The following NINJ2 variants were observed in gnomAD, a reference collection of about 807,000 sequenced individuals.
NINJ2 encodes ninjurin-2.
NINJ2 carries 12 observed loss-of-function variants against 11.7 expected under a neutral mutation model. The ratio of observed to expected loss-of-function variants is 1.02; its 90% CI spans 0.66 to 1.66. The LOEUF is 1.66. NINJ2 is among the 40% of genes most tolerant of loss of function. NINJ2 has a pLI of 0.00. For synonymous variants in NINJ2, 93 were observed against 76.8 expected (o/e 1.21, Z -1.10); for missense variants, 187 against 181.8 (o/e 1.03, Z -0.16).
At chr12:636,376 CAAAT>C (rs1342822754) in intron 1 of NINJ2, among the ~76,000 whole-genome samples, 2 of 108,270 alleles carry the variant, frequency 1.8e-5, no homozygotes, top group African/African-American at 6.6e-5. Flanking sequence ...AACTCCATCT[CAAAT>C]AAATAAATAA....
At chr12:582,799 A>G (rs1390008298) in intron 1 of NINJ2, among the ~76,000 whole-genome samples, 24 of 71,356 alleles carry the variant, frequency 3.4e-4, no homozygotes, top group South Asian at 1.5e-3. Flanking sequence ...GAATGAATGG[A>G]CGCAGGCAGG....
chr12:567,839 C>T (rs11833414), intron 1 of NINJ2, among the ~76,000 whole-genome samples: 8,138 of 152,184 alleles, frequency 0.053, 519 homozygotes, highest in African/African-American at 0.16. Context: ...AATCCCGTCT[C>T]TACTAAAAAT....
intron 1 of NINJ2, among the ~76,000 whole-genome samples, chr12:608,698 G>A (rs553024554): frequency 1.5e-4 from 22 of 150,508 alleles, no homozygotes; most frequent in Admixed American, 3.9e-4. Context: ...CTAGCTAGCT[G>A]GCTTCAGCTA....
At chr12:623,701 A>G (rs561329477) in intron 1 of NINJ2, among the ~76,000 whole-genome samples, 2 of 152,318 alleles carry the variant, frequency 1.3e-5, no homozygotes, top group South Asian at 2.1e-4. Flanking sequence ...TGCACCAGGC[A>G]AGGGAGGTGA....
Position 611,241 on chromosome 12 carries a change from T to TTCTCTCTCTC in NINJ2, c.34-45064_34-45063insGAGAGAGAGA, listed in dbSNP as rs1565634877. ...TCTTTCTTTCTTTTTCTTTCTTTCT[T>TTCTCTCTCTC]TCTTTCTCTCTCTCTCTTTCTTTCT... On this transcript the variant is annotated intron_variant, in intron 1 of 3. Coordinates refer to ENST00000305108, the MANE Select transcript of NINJ2 (RefSeq NM_016533.6). 4.6e-4 allele frequency among the ~76,000 whole-genome samples: 57 copies of TTCTCTCTCTC among 123,250 alleles called. 1 individual carries two copies. Among genetic ancestry groups the TTCTCTCTCTC allele is most frequent in the African/African-American group, 1.9e-3 (56 of 30,026 alleles). The allele number at this position is 123,250 out of a possible 152,430, so 80.9% of individuals were successfully genotyped here. A position where few individuals can be genotyped will look rare whatever the true frequency, so the allele number is the denominator to read the frequency against.
At chr12:621,594 G>A (rs192125070) in intron 1 of NINJ2, among the ~76,000 whole-genome samples, 1 of 152,110 alleles carries the variant, frequency 6.6e-6, no homozygotes, top group East Asian at 1.9e-4. Flanking sequence ...GCCGAGACGG[G>A]AGATGGGAGA....
chr12:608,018 C>T (rs1420589542), intron 1 of NINJ2, among the ~76,000 whole-genome samples: 2 of 152,180 alleles, frequency 1.3e-5, no homozygotes, highest in African/African-American at 2.4e-5. Context: ...GAAATGTGCG[C>T]TTGTAGGAGC....
intron 1 of NINJ2, chr12:586,203 C>T (rs777520809): frequency 6.6e-6 from 1 of 152,256 alleles, no homozygotes; most frequent in Admixed American, 6.5e-5. Flanking sequence ...CCCTTCTCAG[C>T]ACAGGGCCCT....
At chr12:643,662 T>C (rs1937629794) in intron 1 of NINJ2, 3 of 988,054 alleles carry the variant, frequency 3.0e-6, no homozygotes, top group Non-Finnish European at 3.6e-6. Flanking sequence ...GTTTTGTTCT[T>C]AGCGGCGGTC....
intron 1 of NINJ2, among the ~76,000 whole-genome samples, chr12:588,368 A>G (rs1159243281): frequency 1.3e-5 from 2 of 152,240 alleles, no homozygotes; most frequent in Non-Finnish European, 2.9e-5. Context: ...TCCGGAAGCC[A>G]TAAAGGATTA....
intron 1 of NINJ2, among the ~76,000 whole-genome samples, chr12:596,877 G>T (rs970657861): frequency 6.0e-5 from 9 of 151,218 alleles, no homozygotes; most frequent in Non-Finnish European, 1.2e-4. Context: ...AGCCATTATT[G>T]CACCATCCCA....
intron 1 of NINJ2, among the ~76,000 whole-genome samples, chr12:630,130 T>C (rs1230184832): frequency 6.6e-6 from 1 of 151,312 alleles, no homozygotes; most frequent in Non-Finnish European, 1.5e-5. Context: ...GATAGCAAAA[T>C]GGAATTTTAC....
intron 1 of NINJ2, among the ~76,000 whole-genome samples, chr12:659,213 C>T (rs1315181753): frequency 6.6e-6 from 1 of 152,000 alleles, no homozygotes; most frequent in Non-Finnish European, 1.5e-5. Context: ...CTGTATCTCG[C>T]TCTACTTAAC....
chr12:663,206 G>T, intron 1 of NINJ2, 122 bp downstream of exon 1: 2 of 829,322 alleles, frequency 2.4e-6, no homozygotes, highest in Non-Finnish European at 3.9e-6. Context: ...ATTTGGAGAA[G>T]GGAGTGAGTA....
intron 1 of NINJ2, among the ~76,000 whole-genome samples, chr12:624,670 G>A (rs539529581): frequency 6.0e-5 from 9 of 150,568 alleles, no homozygotes; most frequent in African/African-American, 1.5e-4. Flanking sequence ...TTAGCCAGGC[G>A]TGGTGGCATG....
rs190485341 is a variant in NINJ2, at chr12:595,676, C to A, written c.34-29498G>T. On this transcript the variant is annotated intron_variant, in intron 1 of 3. Transcript: ENST00000305108. ...GCTGAGGCAGGAGAATGGCTTGAACCCGGGAGGCGGAGGTTGCGGTGAGCC... is the reference window on the plus strand; with the variant it reads ...GCTGAGGCAGGAGAATGGCTTGAACACGGGAGGCGGAGGTTGCGGTGAGCC... Among the ~76,000 whole-genome samples, 1,116 of 152,124 alleles carry A rather than the reference C, an allele frequency of 7.3e-3. 8 individuals are homozygous for A. Among genetic ancestry groups the A allele is most frequent in the Non-Finnish European group, 0.012 (843 of 68,002 alleles).
At chr12:575,861 G>C (rs932511437) in intron 1 of NINJ2, among the ~76,000 whole-genome samples, 4 of 152,216 alleles carry the variant, frequency 2.6e-5, no homozygotes, top group Non-Finnish European at 5.9e-5. Context: ...ACTGCAGGGA[G>C]AGCCCTTTTT....
At chr12:611,172 T>G (rs1948023487) in intron 1 of NINJ2, among the ~76,000 whole-genome samples, 1 of 152,006 alleles carries the variant, frequency 6.6e-6, no homozygotes, top group South Asian at 2.1e-4. Flanking sequence ...TTTCTTTCTT[T>G]CCTTCTTTTC....
At position 614,226 on chromosome 12, in the gene NINJ2, G is replaced by A. The variant is rs1367071408; in HGVS notation, c.34-48048C>T. 6.6e-6 allele frequency among the ~76,000 whole-genome samples: 1 copy of A among 152,194 alleles called. No homozygotes were observed. Among genetic ancestry groups the A allele is most frequent in the Non-Finnish European group, 1.5e-5 (1 of 68,032 alleles). ...TCTCCACAGGCACCTGCTCAGCTTG[G>A]TTTGGGTCCATGGGTATTGGGAAGT... On this transcript the variant is annotated intron_variant, in intron 1 of 3. Transcript: ENST00000305108. The surrounding 1 kb of genome is among the most constrained non-coding windows in gnomAD (Gnocchi z 5.1).
Sources: allele counts gnomAD v4.1 joint callset (sites outside exome capture counted in the v4.1 genomes callset), GRCh38; gene constraint gnomAD v4.1.1; non-coding constraint Gnocchi (gnomAD v3.1); transcripts MANE v1.5; gene names NCBI Gene and HGNC (gene_info 2026-07-23, HGNC 2026-07-21).